Variants in PHACTR1 observed in about 807,000 individuals in gnomAD.
PHACTR1 encodes phosphatase and actin regulator 1, also known as RPEL repeat containing 1.
PHACTR1 carries 16 observed loss-of-function variants against 69.2 expected under a neutral mutation model. That is an observed-to-expected ratio of 0.23 (90% confidence interval 0.16 to 0.35). The LOEUF is 0.35. Among genes scored for constraint, PHACTR1 ranks in the 10% least tolerant of loss-of-function variants. The pLI, the probability that PHACTR1 is intolerant of heterozygous loss-of-function variation, is 1.00. For missense variants in PHACTR1, 510 were observed against 734.7 expected, an observed-to-expected ratio of 0.69 and a Z score of 3.54; for synonymous variants, 312 against 284.5, an observed-to-expected ratio of 1.10 and a Z score of -0.97.
chr6:12,862,882 C>A (rs1465982421), intron 4 of PHACTR1, among the ~76,000 whole-genome samples: 1 of 152,320 alleles, frequency 6.6e-6, no homozygotes, highest in East Asian at 1.9e-4. Flanking sequence ...GAAGACCCCT[C>A]TGCAATTGAA....
intron 6 of PHACTR1, 31 bp downstream of exon 6, chr6:13,160,315 CAA>C (rs2113538758): frequency 6.3e-7 from 1 of 1,578,988 alleles, no homozygotes; most frequent in Non-Finnish European, 8.7e-7. Context: ...ATCCCCGGGT[CAA>C]AGAGTCATGC....
At chr6:12,756,461 T>C (rs1316153336) in intron 4 of PHACTR1, among the ~76,000 whole-genome samples, 1 of 152,204 alleles carries the variant, frequency 6.6e-6, no homozygotes, top group Non-Finnish European at 1.5e-5. Context: ...TTCTATATAA[T>C]GAAGGGTAGT....
intron 5 of PHACTR1, among the ~76,000 whole-genome samples, chr6:13,068,908 A>G (rs947129634): frequency 1.3e-5 from 2 of 152,166 alleles, no homozygotes; most frequent in African/African-American, 4.8e-5. Flanking sequence ...GCGACCTTCT[A>G]CTTTACGTTC....
In PHACTR1 at chr6:12,980,457, T is replaced by G. The variant is rs565007754; in HGVS notation, c.251-72908T>G. On this transcript the variant is annotated intron_variant, in intron 4 of 14. Coordinates refer to ENST00000332995, the MANE Select transcript of PHACTR1 (RefSeq NM_030948.6). ...CATGTCCCATACAAGTGATATTATA[T>G]GCTCCCAGAGAGCAAAGTATGTTTT... Among the ~76,000 whole-genome samples, 12 of 152,266 alleles carry G rather than the reference T, an allele frequency of 7.9e-5. No individual in the cohort carries two copies. The South Asian group carries it at 8.3e-4, about 11-fold the overall frequency.
At chr6:12,857,608 A>AC (rs1425881914) in intron 4 of PHACTR1, among the ~76,000 whole-genome samples, 1 of 151,670 alleles carries the variant, frequency 6.6e-6, no homozygotes, top group East Asian at 1.9e-4. Context: ...TCTTAAAAAA[A>AC]AAAAAAAATT....
intron 4 of PHACTR1, among the ~76,000 whole-genome samples, chr6:12,908,530 C>G (rs1044681627): frequency 6.6e-6 from 1 of 151,336 alleles, no homozygotes; most frequent in African/African-American, 2.4e-5. Flanking sequence ...GGGTGCTGTG[C>G]AAATATGATG....
chr6:13,115,339 C>T (rs1433404338), intron 5 of PHACTR1, among the ~76,000 whole-genome samples: 1 of 152,178 alleles, frequency 6.6e-6, no homozygotes, highest in Non-Finnish European at 1.5e-5. Flanking sequence ...TCAGGAAGAA[C>T]TGAGAAAAAC....
At position 13,272,894 on chromosome 6, in the gene PHACTR1, G is replaced by C; in HGVS notation, c.1426G>C (p.Glu476Gln). ...LSQRPTAEEL[E>Q]QRNILKPRNE... is the part of the protein sequence containing the mutation. ...CCAGAGGCCAACTGCAGAGGAACTG[G>C]AACAGAGGAACATTTTGAAACGTAA... is the stretch of plus-strand genomic sequence containing the variant. The change falls in exon 11 of 15, where the codon GAA becomes CAA. Residue 476 changes from glutamate (E) to glutamine (Q), a missense_variant. Around this residue, in one of 2 missense-constraint regions of PHACTR1, gnomAD observed 91 missense variants for 203.8 expected, o/e 0.45. Transcript: ENST00000332995. The C allele has an allele frequency of 6.2e-7, 1 of 1,614,062 alleles. No individual in the cohort carries two copies. The highest frequency in any genetic ancestry group is 8.5e-7 in the Non-Finnish European group (1 of 1,179,894).
In PHACTR1 at chr6:13,084,063, A is replaced by T. The variant is rs1811854372; in HGVS notation, c.415+30534A>T. ...GATTATAAATCATGCTGCTATAAAGACACATGCACGTGTATGTTTATTGCG... is the reference window on the plus strand; with the variant it reads ...GATTATAAATCATGCTGCTATAAAGTCACATGCACGTGTATGTTTATTGCG... On this transcript the variant is annotated intron_variant, in intron 5 of 14. Transcript: ENST00000332995. Among the ~76,000 whole-genome samples, 3 of 152,222 alleles carry T rather than the reference A, an allele frequency of 2.0e-5. No homozygotes were observed. In the South Asian group the frequency reaches 6.2e-4, roughly 32 times the overall value.
At chr6:12,872,909 C>A (rs1782184260) in intron 4 of PHACTR1, among the ~76,000 whole-genome samples, 1 of 151,756 alleles carries the variant, frequency 6.6e-6, no homozygotes, top group Non-Finnish European at 1.5e-5. Context: ...TCAATTATTT[C>A]TTTCCTTCCT....
At chr6:13,013,461 G>A (rs1799673697) in intron 4 of PHACTR1, among the ~76,000 whole-genome samples, 1 of 152,234 alleles carries the variant, frequency 6.6e-6, no homozygotes, top group Non-Finnish European at 1.5e-5. Context: ...GCTTTCATTC[G>A]GCAGCTTTAG....
At chr6:13,236,885 T>C (rs1222726301) in intron 10 of PHACTR1, among the ~76,000 whole-genome samples, 1 of 152,090 alleles carries the variant, frequency 6.6e-6, no homozygotes. Context: ...AGACAGATAT[T>C]GCACAGAAGT....
At chr6:12,846,474 G>A (rs947706184) in intron 4 of PHACTR1, among the ~76,000 whole-genome samples, 1 of 152,092 alleles carries the variant, frequency 6.6e-6, no homozygotes, top group Admixed American at 6.5e-5. Context: ...AAAACTTTAT[G>A]GGCAGATGTT....
intron 4 of PHACTR1, among the ~76,000 whole-genome samples, chr6:12,999,739 G>A (rs1797865156): frequency 6.6e-6 from 1 of 152,194 alleles, no homozygotes; most frequent in Non-Finnish European, 1.5e-5. Context: ...TACCTATATG[G>A]TAAAAGTTCA....
At chr6:12,952,783 T>A (rs1188982892) in intron 4 of PHACTR1, among the ~76,000 whole-genome samples, 3 of 152,212 alleles carry the variant, frequency 2.0e-5, no homozygotes, top group African/African-American at 7.2e-5. Flanking sequence ...GTAAGAAATT[T>A]CCAAATTGTC....
intron 2 of PHACTR1, chr6:12,718,269 C>T (rs9472419): frequency 0.33 from 50,721 of 152,066 alleles, 9,051 homozygotes; most frequent in Middle Eastern, 0.48. Flanking sequence ...CTCGGATTCC[C>T]AGGCAATTTT....
chr6:12,866,560 G>A (rs569430285), intron 4 of PHACTR1, among the ~76,000 whole-genome samples: 1 of 152,000 alleles, frequency 6.6e-6, no homozygotes, highest in East Asian at 1.9e-4. Context: ...TACCTACAAG[G>A]CTCCGCCCAC....
chr6:12,883,038 T>C (rs567954184), intron 4 of PHACTR1, among the ~76,000 whole-genome samples: 1 of 152,238 alleles, frequency 6.6e-6, no homozygotes, highest in Non-Finnish European at 1.5e-5. Flanking sequence ...GCTGCTGCCC[T>C]GGGGGAAGTA....
At chr6:12,845,511 C>T (rs1779173946) in intron 4 of PHACTR1, among the ~76,000 whole-genome samples, 1 of 145,794 alleles carries the variant, frequency 6.9e-6, no homozygotes, top group Non-Finnish European at 1.5e-5. Context: ...ATCCATAGCA[C>T]GGCAGGTATT....
Sources: gnomAD v4.1 joint callset for allele counts (sites outside exome capture counted in the v4.1 genomes callset) on GRCh38, gnomAD v4.1.1 for gene constraint, gnomAD v4.1.1 regional missense constraint, MANE v1.5 for transcripts, NCBI Gene and HGNC (gene_info 2026-07-23, HGNC 2026-07-21) for gene names.